TENM3: variants seen among roughly 807,000 people sequenced by gnomAD.
TENM3 encodes the protein teneurin transmembrane protein 3, also known as teneurin-3.
TENM3 carries 63 observed loss-of-function variants against 255.1 expected under a neutral mutation model. That is an observed-to-expected ratio of 0.25 (90% CI 0.20 to 0.30). The LOEUF is 0.30. Among genes scored for constraint, TENM3 ranks in the 10% least tolerant of loss-of-function variants. The pLI is 1.00. For missense variants in TENM3, 2,929 were observed against 3,461.1 expected, an observed-to-expected ratio of 0.85 and a Z score of 3.86; for synonymous variants, 1,306 against 1,322.3, an observed-to-expected ratio of 0.99 and a Z score of 0.27.
At chr4:182,293,054 TTTA>T (rs1032048848) in intron 1 of TENM3, among the ~76,000 whole-genome samples, 1 of 152,220 alleles carries the variant, frequency 6.6e-6, no homozygotes, top group African/African-American at 2.4e-5. Flanking sequence ...TGTTGCACAC[TTTA>T]TTAAGTGCCT....
At chr4:181,958,603 T>A in the TENM3 span, among the ~76,000 whole-genome samples, 1 of 152,166 alleles carries the variant, frequency 6.6e-6, no homozygotes. Flanking sequence ...TTTCTGCCTG[T>A]GTCGAGTGGG....
chr4:181,697,392 T>TTTTTG, the TENM3 span, among the ~76,000 whole-genome samples: 1,222 of 152,188 alleles, frequency 8.0e-3, 19 homozygotes, highest in African/African-American at 0.028. Context: ...TGTGTGTTTG[T>TTTTTG]TTTTGTTTTG....
chr4:181,888,618 G>GTGT, the TENM3 span, among the ~76,000 whole-genome samples: 1 of 111,784 alleles, frequency 8.9e-6, no homozygotes, highest in African/African-American at 3.1e-5. Flanking sequence ...GTGTGTGTGT[G>GTGT]GAAAGAGAGA....
chr4:182,708,785 G>A (rs936395545), intron 12 of TENM3, among the ~76,000 whole-genome samples: 3 of 138,076 alleles, frequency 2.2e-5, no homozygotes, highest in African/African-American at 8.4e-5. Context: ...GCGACAGAGC[G>A]AGACTCCGTC....
intron 4 of TENM3, among the ~76,000 whole-genome samples, chr4:182,621,484 C>A: frequency 7.5e-6 from 1 of 133,200 alleles, no homozygotes; most frequent in East Asian, 2.2e-4. Context: ...AGTGGCTGGC[C>A]AGGCATGGTG....
At chr4:182,020,417 T>A in the TENM3 span, among the ~76,000 whole-genome samples, 1 of 151,816 alleles carries the variant, frequency 6.6e-6, no homozygotes, top group African/African-American at 2.4e-5. Flanking sequence ...AAAGGGGGAA[T>A]AGAGAGAGAT....
At chr4:182,795,521 C>A (rs189255760) in intron 26 of TENM3, among the ~76,000 whole-genome samples, 4 of 152,302 alleles carry the variant, frequency 2.6e-5, no homozygotes, top group Admixed American at 6.5e-5. Flanking sequence ...AAAAAGAATA[C>A]CACTGGTTTT....
At chr4:182,206,989 T>G (rs896907767) in intron 1 of TENM3, among the ~76,000 whole-genome samples, 1 of 152,312 alleles carries the variant, frequency 6.6e-6, no homozygotes, top group East Asian at 1.9e-4. Context: ...CTCGGAAATT[T>G]GTTTGCTAAA....
At chr4:182,203,311 C>G (rs1425270872) in intron 1 of TENM3, among the ~76,000 whole-genome samples, 1 of 152,046 alleles carries the variant, frequency 6.6e-6, no homozygotes, top group East Asian at 1.9e-4. Context: ...TAAACTCACA[C>G]CCCCAACTTC....
chr4:182,730,259 T>G lies in TENM3; in HGVS notation c.2645T>G (p.Val882Gly), dbSNP rs757443777. The change falls in exon 15 of 28, where the codon GTA (valine) becomes GGA (glycine). Residue 882 changes from valine to glycine, a missense_variant. Val to Gly is a moderately radical substitution (Grantham distance 109). This residue lies in a region of TENM3 where 1,608 missense variants were observed against 1,884.4 expected (regional missense o/e 0.85). Coordinates refer to ENST00000511685, the MANE Select transcript of TENM3 (RefSeq NM_001080477.4). The stretch of plus-strand genomic sequence containing the variant: ...GCTGATGGAACTCCACTTATTGGAG[T>G]AAATGTCTCGTTTTTCCATTACCCA... ...LTADGTPLIG[V>G]NVSFFHYPEY... 6.2e-7 allele frequency: 1 copy of G among 1,613,868 alleles called. No homozygotes were observed. Among genetic ancestry groups the G allele is most frequent in the East Asian group, 2.2e-5 (1 of 44,862 alleles).
chr4:181,763,232 T>G, the TENM3 span, among the ~76,000 whole-genome samples: 3 of 152,180 alleles, frequency 2.0e-5, no homozygotes, highest in African/African-American at 7.2e-5. Context: ...GTCAAGAAAT[T>G]TGACCTTCGT....
At chr4:181,464,269 C>A in the TENM3 span, among the ~76,000 whole-genome samples, 22 of 152,168 alleles carry the variant, frequency 1.4e-4, no homozygotes, top group Non-Finnish European at 2.9e-4. Flanking sequence ...AATCCACCAG[C>A]AATATACAGG....
chr4:181,682,227 G>T, the TENM3 span, among the ~76,000 whole-genome samples: 1 of 152,140 alleles, frequency 6.6e-6, no homozygotes, highest in Non-Finnish European at 1.5e-5. Context: ...GCCAAGGAGG[G>T]TGTTTATATC....
chr4:181,662,104 A>G, the TENM3 span, among the ~76,000 whole-genome samples: 2 of 152,226 alleles, frequency 1.3e-5, no homozygotes, highest in Non-Finnish European at 2.9e-5. Context: ...AGAATGGCAC[A>G]GGATTGAACT....
the TENM3 span, among the ~76,000 whole-genome samples, chr4:181,983,022 A>G: frequency 6.6e-6 from 1 of 152,132 alleles, no homozygotes; most frequent in African/African-American, 2.4e-5. Flanking sequence ...CATTCCGTAG[A>G]TTTGTACAAA....
chr4:181,850,002 C>T, the TENM3 span, among the ~76,000 whole-genome samples: 3 of 145,428 alleles, frequency 2.1e-5, no homozygotes, highest in Non-Finnish European at 4.6e-5. Context: ...CTTCCTCCAG[C>T]CCCCGACCTT....
the TENM3 span, among the ~76,000 whole-genome samples, chr4:181,677,494 A>G: frequency 3.3e-5 from 5 of 152,244 alleles, no homozygotes; most frequent in East Asian, 1.9e-4. Flanking sequence ...CTTTTAATGT[A>G]TCCACTTATC....
At chr4:181,993,307 A>G in the TENM3 span, among the ~76,000 whole-genome samples, 1 of 152,112 alleles carries the variant, frequency 6.6e-6, no homozygotes, top group Non-Finnish European at 1.5e-5. Context: ...TTCACTCATT[A>G]TGTTCCTATT....
chr4:182,241,333 C>T (rs779329009), upstream of TENM3, among the ~76,000 whole-genome samples: 15 of 152,122 alleles, frequency 9.9e-5, no homozygotes, highest in Non-Finnish European at 2.1e-4. Context: ...GAGGTCAACA[C>T]ACATGTTCTC....
Sources: allele counts gnomAD v4.1 joint callset (sites outside exome capture counted in the v4.1 genomes callset), GRCh38; gene constraint gnomAD v4.1.1; regional missense constraint gnomAD v4.1.1; transcripts MANE v1.5; gene names NCBI Gene and HGNC (gene_info 2026-07-23, HGNC 2026-07-21).